Variants in MYO3B observed in about 807,000 individuals in gnomAD.
MYO3B encodes the protein myosin IIIB.
Under a neutral mutation model 174.6 loss-of-function variants are expected in MYO3B, and 156 were observed. The observed-to-expected ratio is 0.89, with a 90% CI of 0.78 to 1.02. MYO3B has a LOEUF of 1.02. MYO3B is among the 50% of genes least tolerant of loss of function. MYO3B has a pLI of 0.00. For missense variants in MYO3B, 1,632 were observed against 1,639.4 expected, an observed-to-expected ratio of 1.00 and a Z score of 0.08; for synonymous variants, 563 against 569.1, an observed-to-expected ratio of 0.99 and a Z score of 0.15.
At chr2:170,252,863 G>A (rs1046707608) in intron 7 of MYO3B, among the ~76,000 whole-genome samples, 12 of 152,256 alleles carry the variant, frequency 7.9e-5, no homozygotes, top group East Asian at 1.9e-4. Context: ...GAATGAGGTG[G>A]GAACATGGTG....
At chr2:170,601,500 A>G (rs947686398) in intron 32 of MYO3B, among the ~76,000 whole-genome samples, 1 of 152,234 alleles carries the variant, frequency 6.6e-6, no homozygotes, top group Non-Finnish European at 1.5e-5. Flanking sequence ...CAGTGTAAAA[A>G]CAAATCTTAC....
intron 1 of MYO3B, among the ~76,000 whole-genome samples, chr2:170,181,446 AT>A (rs2092397160): frequency 6.6e-6 from 1 of 152,028 alleles, no homozygotes; most frequent in Non-Finnish European, 1.5e-5. Flanking sequence ...TTCTTGACTT[AT>A]TATTCTGGCT....
chr2:170,446,487 C>T (rs1387463584), intron 23 of MYO3B, among the ~76,000 whole-genome samples: 5 of 152,078 alleles, frequency 3.3e-5, no homozygotes, highest in Non-Finnish European at 7.3e-5. Context: ...TAGTGTGTGG[C>T]ATATATTTAC....
At chr2:170,407,122 T>C (rs2094514722) in intron 21 of MYO3B, among the ~76,000 whole-genome samples, 1 of 152,156 alleles carries the variant, frequency 6.6e-6, no homozygotes, top group South Asian at 2.1e-4. Context: ...TAATATATTT[T>C]AATAATTATT....
Position 170,453,479 on chromosome 2 carries a change from C to T in MYO3B, c.2730+9433C>T, listed in dbSNP as rs941622427. ...GAGAGAGAGAGAGAGAAAGAGAGAG[C>T]GACCAACTGACCAGAAACCTGGCTG... On this transcript the variant is annotated intron_variant, in intron 23 of 34. Transcript: ENST00000408978. Among the ~76,000 whole-genome samples the T allele has an allele frequency of 3.5e-5, 5 of 144,200 alleles. No individual in the cohort carries two copies. In the East Asian group the frequency reaches 8.2e-4, roughly 24 times the overall value. The allele number at this position is 144,200 out of a possible 152,430, so 94.6% of individuals were successfully genotyped here. A position where few individuals can be genotyped will look rare whatever the true frequency, so the allele number is the denominator to read the frequency against.
intron 7 of MYO3B, among the ~76,000 whole-genome samples, chr2:170,280,608 GT>G (rs145289991): frequency 0.37 from 56,353 of 151,826 alleles, 11,156 homozygotes; most frequent in African/African-American, 0.51. Context: ...TTATAGTTGG[GT>G]TTTTACATTT....
chr2:170,372,139 AAAAAAAC>A (rs1465614454), intron 9 of MYO3B, among the ~76,000 whole-genome samples: 2 of 148,788 alleles, frequency 1.3e-5, no homozygotes, highest in Admixed American at 6.7e-5. Flanking sequence ...AAAAAAAAAA[AAAAAAAC>A]AACAACAACA....
intron 25 of MYO3B, among the ~76,000 whole-genome samples, chr2:170,485,652 T>C (rs905395800): frequency 2.0e-5 from 3 of 152,150 alleles, no homozygotes; most frequent in Non-Finnish European, 4.4e-5. Context: ...TTATTTCCAG[T>C]TGTTTGCTAG....
intron 20 of MYO3B, 61 bp from the exon 21 acceptor site, chr2:170,405,484 G>GT (rs1388829087): frequency 7.8e-6 from 12 of 1,541,706 alleles, no homozygotes; most frequent in Admixed American, 1.7e-5. Flanking sequence ...TGAGGAACAA[G>GT]TTTTTGTTTG....
chr2:170,546,498 T>C (rs13422715), intron 32 of MYO3B, among the ~76,000 whole-genome samples: 9,332 of 152,308 alleles, frequency 0.061, 723 homozygotes, highest in African/African-American at 0.18. Flanking sequence ...AGTGTACTAG[T>C]GGAAGAAATT....
At chr2:170,323,528 T>C (rs1157912328) in intron 7 of MYO3B, among the ~76,000 whole-genome samples, 2 of 152,206 alleles carry the variant, frequency 1.3e-5, no homozygotes, top group Non-Finnish European at 2.9e-5. Flanking sequence ...GTCTCATTAA[T>C]CAAGAATAAA....
chr2:170,271,138 G>C (rs2093422484), intron 7 of MYO3B, among the ~76,000 whole-genome samples: 1 of 152,140 alleles, frequency 6.6e-6, no homozygotes, highest in African/African-American at 2.4e-5. Flanking sequence ...CAGGGGTTCA[G>C]AAATGAGAAA....
At chr2:170,221,826 C>T (rs371846301) in intron 6 of MYO3B, among the ~76,000 whole-genome samples, 47 of 152,224 alleles carry the variant, frequency 3.1e-4, no homozygotes, top group African/African-American at 1.1e-3. Context: ...TTCAGCCTCC[C>T]GAGTAGCTGG....
intron 22 of MYO3B, among the ~76,000 whole-genome samples, chr2:170,419,129 T>C (rs1363579859): frequency 6.6e-6 from 1 of 152,220 alleles, no homozygotes; most frequent in African/African-American, 2.4e-5. Flanking sequence ...TTAAAAGATG[T>C]AGCCAGTCTG....
intron 8 of MYO3B, chr2:170,337,999 A>G (rs1019280703): frequency 3.9e-5 from 6 of 152,202 alleles, no homozygotes; most frequent in Admixed American, 3.3e-4. Flanking sequence ...AAGTGCATCC[A>G]TGCAGTTAAA....
In MYO3B at chr2:170,369,252, T is replaced by G. The variant is rs2094221432; in HGVS notation, c.846T>G (p.Pro282=). ...TTATTAAGGATTTTGAAAGGCGACC[T>G]TCCGTCACACATCTCCTTGACCACC... ...QCLIKDFERR[P]SVTHLLDHPF... The change falls in exon 9 of 35, where the codon CCT becomes CCG. Residue 282 remains proline (P), a synonymous_variant. Coordinates refer to ENST00000408978, the MANE Select transcript of MYO3B (RefSeq NM_138995.5). 6.2e-7 allele frequency: 1 copy of G among 1,613,390 alleles called. No individual in the cohort carries two copies. The highest frequency in any genetic ancestry group is 8.5e-7 in the Non-Finnish European group (1 of 1,179,626).
At chr2:170,408,283 T>G (rs1285002578) in intron 22 of MYO3B, among the ~76,000 whole-genome samples, 2 of 152,218 alleles carry the variant, frequency 1.3e-5, no homozygotes, top group Non-Finnish European at 2.9e-5. Flanking sequence ...AAAGATCACC[T>G]TGGTCCAATT....
chr2:170,479,441 A>G (rs531817231), intron 25 of MYO3B, among the ~76,000 whole-genome samples: 40 of 146,332 alleles, frequency 2.7e-4, no homozygotes, highest in Admixed American at 7.5e-4. Flanking sequence ...TAAAATATAT[A>G]AAATATAGAT....
intron 7 of MYO3B, among the ~76,000 whole-genome samples, chr2:170,312,331 G>A (rs2093745647): frequency 6.6e-6 from 1 of 152,232 alleles, no homozygotes; most frequent in Non-Finnish European, 1.5e-5. Flanking sequence ...CATCCAGACA[G>A]CGTTTACTTA....
Sources: gnomAD v4.1 joint callset for allele counts (sites outside exome capture counted in the v4.1 genomes callset) on GRCh38, gnomAD v4.1.1 for gene constraint, MANE v1.5 for transcripts, NCBI Gene and HGNC (gene_info 2026-07-23, HGNC 2026-07-21) for gene names.